The following AGFG1 variants were observed in gnomAD, a reference collection of about 807,000 sequenced individuals.
The protein encoded by AGFG1 is arf-GAP domain and FG repeat-containing protein 1.
Under a neutral mutation model 60.6 loss-of-function variants are expected in AGFG1, and 10 were observed. The ratio of observed to expected loss-of-function variants is 0.16; its 90% CI spans 0.10 to 0.28. The LOEUF (loss-of-function observed/expected upper bound fraction) is 0.28, where lower values mean the gene tolerates loss of function less well. Among genes scored for constraint, AGFG1 ranks in the 10% least tolerant of loss-of-function variants. AGFG1 has a pLI of 1.00. For missense variants in AGFG1, 537 were observed against 676.5 expected (o/e 0.79, Z 2.29); for synonymous variants, 247 against 242.9 (o/e 1.02, Z -0.16).
intron 10 of AGFG1, among the ~76,000 whole-genome samples, chr2:227,551,623 C>G (rs1204995594): frequency 4.6e-5 from 7 of 152,018 alleles, no homozygotes; most frequent in Non-Finnish European, 1.0e-4. Flanking sequence ...AAAATGTATA[C>G]TAGTATACAT....
chr2:227,526,853 C>CT (rs1190525739), intron 5 of AGFG1, among the ~76,000 whole-genome samples: 2 of 152,088 alleles, frequency 1.3e-5, no homozygotes, highest in Non-Finnish European at 2.9e-5. Flanking sequence ...CCTAAAGATA[C>CT]TTTTTTGATA....
rs941808029 is a variant in AGFG1, at chr2:227,557,729, C to A, written c.*3234C>A. ...TTACATTTTATGCATTTAAATCTGG[C>A]TTAATAAAAGCAGTGAGATTTTCAT... On this transcript the variant is annotated 3_prime_UTR_variant, in exon 13 of 13. Coordinates refer to ENST00000310078, the MANE Select transcript of AGFG1 (RefSeq NM_004504.5). 8 of 152,162 alleles carry A rather than the reference C, an allele frequency of 5.3e-5. No individual in the cohort carries two copies. Among genetic ancestry groups the A allele is most frequent in the African/African-American group, 1.9e-4 (8 of 41,432 alleles). 9.4% of individuals were successfully genotyped at this position (152,162 alleles called of 1,614,324 possible).
intron 2 of AGFG1, among the ~76,000 whole-genome samples, chr2:227,506,263 G>T (rs908076806): frequency 2.6e-5 from 4 of 152,196 alleles, no homozygotes; most frequent in South Asian, 2.1e-4. Context: ...AAATTCTGCT[G>T]CTCCCATGAT....
Position 227,534,837 on chromosome 2 carries a change from G to A in AGFG1, c.1025-8G>A, listed in dbSNP as rs534721397. On this transcript the variant is annotated splice_region_variant and splice_polypyrimidine_tract_variant and intron_variant, in intron 7 of 12. Transcript: ENST00000310078. ...TTTTTGGTGTAACTTGATTTTGTTC[G>A]TTCCCAGGTGGTGATCAGGGAAGTG... is the stretch of plus-strand genomic sequence containing the variant. 9.1e-5 allele frequency: 147 copies of A among 1,609,106 alleles called. 1 individual carries two copies. In the South Asian group the frequency reaches 1.2e-3, roughly 13 times the overall value.
intron 2 of AGFG1, among the ~76,000 whole-genome samples, chr2:227,514,383 T>A (rs1026704644): frequency 3.3e-5 from 5 of 152,042 alleles, no homozygotes; most frequent in African/African-American, 1.2e-4. Flanking sequence ...GGCTTATTTT[T>A]TTGTGTGTGT....
chr2:227,525,677 T>TGC (rs772930006), intron 5 of AGFG1, among the ~76,000 whole-genome samples: 2 of 152,236 alleles, frequency 1.3e-5, no homozygotes, highest in Non-Finnish European at 2.9e-5. Flanking sequence ...ATTAGTTGAT[T>TGC]GCACCACTAT....
Position 227,557,705 on chromosome 2 carries a change from TA to T in AGFG1, c.*3211del, listed in dbSNP as rs550131347. 15 of 152,362 alleles carry T rather than the reference TA, an allele frequency of 9.8e-5. No individual in the cohort carries two copies. Among genetic ancestry groups the T allele is most frequent in the African/African-American group, 3.6e-4 (15 of 41,590 alleles). The allele number at this position is 152,362 out of a possible 1,614,324, so 9.4% of individuals were successfully genotyped here. ...ACTAATGAGAACAGGAACATTGTTTTACATTTTATGCATTTAAATCTGGCTT... is the reference window on the plus strand; with the variant it reads ...ACTAATGAGAACAGGAACATTGTTTTCATTTTATGCATTTAAATCTGGCTT... On this transcript the variant is annotated 3_prime_UTR_variant, in exon 13 of 13. Transcript: ENST00000310078.
At chr2:227,537,412 C>T (rs1692345391) in intron 10 of AGFG1, among the ~76,000 whole-genome samples, 1 of 152,170 alleles carries the variant, frequency 6.6e-6, no homozygotes, top group African/African-American at 2.4e-5. Flanking sequence ...TATGAGATTG[C>T]ATCAGATGAC....
chr2:227,523,018 G>T (rs930018591), intron 3 of AGFG1, among the ~76,000 whole-genome samples: 1 of 152,064 alleles, frequency 6.6e-6, no homozygotes, highest in African/African-American at 2.4e-5. Context: ...CCCAGTTTTT[G>T]TGAAATTATA....
chr2:227,556,077 T>C lies in AGFG1; in HGVS notation c.*1582T>C, dbSNP rs1289827761. 2 of 152,244 alleles carry C rather than the reference T, an allele frequency of 1.3e-5. No homozygotes were observed. Among genetic ancestry groups the C allele is most frequent in the Non-Finnish European group, 2.9e-5 (2 of 68,046 alleles). 9.4% of individuals were successfully genotyped at this position (152,244 alleles called of 1,614,324 possible). On this transcript the variant is annotated 3_prime_UTR_variant, in exon 13 of 13. Coordinates refer to ENST00000310078, the MANE Select transcript of AGFG1 (RefSeq NM_004504.5). ...ACTACATCATCTGATGATTATTCTT[T>C]ATTATGCCTCTAGGTAATTAAGTAA... is the stretch of plus-strand genomic sequence containing the variant.
intron 1 of AGFG1, among the ~76,000 whole-genome samples, chr2:227,484,494 G>T (rs1449911397): frequency 6.6e-6 from 1 of 151,952 alleles, no homozygotes; most frequent in African/African-American, 2.4e-5. Context: ...AAGTGTTATT[G>T]TTGGTAAACA....
intron 1 of AGFG1, among the ~76,000 whole-genome samples, chr2:227,481,866 T>C (rs906373324): frequency 6.9e-6 from 1 of 145,844 alleles, no homozygotes; most frequent in Non-Finnish European, 1.5e-5. Flanking sequence ...TCCACTACTT[T>C]TTTTTTTTTT....
intron 2 of AGFG1, among the ~76,000 whole-genome samples, chr2:227,517,835 G>A (rs973524274): frequency 6.6e-5 from 10 of 152,168 alleles, no homozygotes; most frequent in Non-Finnish European, 1.3e-4. Flanking sequence ...TAATTTTGCT[G>A]AGGAATAGTT....
chr2:227,512,561 CT>C (rs1488366662), intron 2 of AGFG1, among the ~76,000 whole-genome samples: 1 of 152,126 alleles, frequency 6.6e-6, no homozygotes, highest in African/African-American at 2.4e-5. Flanking sequence ...TGAGTATGGA[CT>C]TTTTCTCCCT....
intron 1 of AGFG1, among the ~76,000 whole-genome samples, chr2:227,474,574 A>G (rs1026099182): frequency 6.6e-6 from 1 of 152,198 alleles, no homozygotes; most frequent in African/African-American, 2.4e-5. Flanking sequence ...TTTATTGCCT[A>G]CTTGTCCTGT....
At chr2:227,484,515 C>T (rs1378283749) in intron 1 of AGFG1, among the ~76,000 whole-genome samples, 4 of 151,894 alleles carry the variant, frequency 2.6e-5, no homozygotes, top group Non-Finnish European at 5.9e-5. Flanking sequence ...TATTATTTGT[C>T]CCTTTTTTCC....
Position 227,472,439 on chromosome 2 carries a change from G to A in AGFG1, c.18G>A (p.Lys6=), listed in dbSNP as rs1575052007. The A allele has an allele frequency of 5.2e-6, 8 of 1,534,890 alleles. No individual in the cohort carries two copies. The highest frequency in any genetic ancestry group is 7.0e-6 in the Non-Finnish European group (8 of 1,140,956). The change falls in exon 1 of 13, where the codon AAG becomes AAA. Residue 6 remains lysine, a synonymous_variant. Transcript: ENST00000310078. MAASA[K]RKQEEKHLKM... ...CCGCGGCCATGGCGGCCAGCGCGAA[G>A]CGGAAGCAGGAGGAGAAGCACCTGA...
At chr2:227,534,525 C>G (rs1440283326) in intron 7 of AGFG1, among the ~76,000 whole-genome samples, 2 of 152,178 alleles carry the variant, frequency 1.3e-5, no homozygotes, top group Non-Finnish European at 2.9e-5. Context: ...TTTATATGTT[C>G]ATGTGAACAA....
At chr2:227,525,002 T>G (rs1051034368) in intron 5 of AGFG1, 87 bp downstream of exon 5, 12 of 1,483,476 alleles carry the variant, frequency 8.1e-6, no homozygotes, top group Non-Finnish European at 1.0e-5. Flanking sequence ...TGAGGATCAG[T>G]AAACATTTTT....
Sources: allele counts gnomAD v4.1 joint callset (sites outside exome capture counted in the v4.1 genomes callset), GRCh38; gene constraint gnomAD v4.1.1; transcripts MANE v1.5; gene names NCBI Gene and HGNC (gene_info 2026-07-23, HGNC 2026-07-21).